The following FAM117B variants were observed in gnomAD, a reference collection of about 807,000 sequenced individuals.
The protein encoded by FAM117B is family with sequence similarity 117 member B.
Under a neutral mutation model 52.8 loss-of-function variants are expected in FAM117B, and 22 were observed. The observed-to-expected ratio is 0.42, with a 90% CI of 0.30 to 0.59. FAM117B has a LOEUF of 0.59. Ranked by LOEUF, FAM117B falls within the 20% of genes least tolerant of loss-of-function variation. FAM117B has a pLI of 0.22. For missense variants in FAM117B, 678 were observed against 802.6 expected (o/e 0.84, Z 1.88); for synonymous variants, 309 against 324.1 (o/e 0.95, Z 0.50).
rs1174991265 is a variant in FAM117B at position 202,769,011 on chromosome 2, G to GT, written c.*3251dup. 1 of 151,998 alleles carries GT rather than the reference G, an allele frequency of 6.6e-6. No individual in the cohort carries two copies. The highest frequency in any genetic ancestry group is 2.4e-5 in the African/African-American group (1 of 41,384). The allele number at this position is 151,998 out of a possible 1,614,324, so 9.4% of individuals were successfully genotyped here. On this transcript the variant is annotated 3_prime_UTR_variant, in exon 8 of 8. Coordinates refer to ENST00000392238, the MANE Select transcript of FAM117B (RefSeq NM_173511.4). ...ACGCAACTGTGTTTTAAAAATACCG[G>GT]TTTTGCCTCTTTGGTTACATGTGGT...
At chr2:202,742,363 G>A (rs1691556333) in intron 4 of FAM117B, among the ~76,000 whole-genome samples, 1 of 152,172 alleles carries the variant, frequency 6.6e-6, no homozygotes, top group African/African-American at 2.4e-5. Flanking sequence ...CTGATCAGAG[G>A]AATGACTAGA....
intron 2 of FAM117B, among the ~76,000 whole-genome samples, chr2:202,723,620 A>G (rs1326367580): frequency 6.6e-6 from 1 of 152,206 alleles, no homozygotes; most frequent in Non-Finnish European, 1.5e-5. Flanking sequence ...ATAGCTGCAC[A>G]GTACTCTGTT....
At chr2:202,725,245 G>T in intron 3 of FAM117B, 2 of 287,292 alleles carry the variant, frequency 7.0e-6, no homozygotes, top group South Asian at 9.7e-5. Context: ...ATTCATACCT[G>T]TCTATTAACA....
intron 6 of FAM117B, 82 bp downstream of exon 6, chr2:202,757,520 AAC>A: frequency 2.9e-6 from 4 of 1,373,186 alleles, no homozygotes; most frequent in African/African-American, 1.4e-5. Flanking sequence ...TTTCTAGCAG[AAC>A]ACACACACTC....
At chr2:202,668,167 AC>A (rs1690234737) in intron 1 of FAM117B, among the ~76,000 whole-genome samples, 1 of 141,102 alleles carries the variant, frequency 7.1e-6, no homozygotes, top group Non-Finnish European at 1.5e-5. Flanking sequence ...ATTATATAAT[AC>A]ATACATATTA....
At chr2:202,689,589 C>T (rs1416571946) in intron 1 of FAM117B, among the ~76,000 whole-genome samples, 1 of 152,072 alleles carries the variant, frequency 6.6e-6, no homozygotes, top group African/African-American at 2.4e-5. Flanking sequence ...TATTTGCTTG[C>T]TGTTTCTGTG....
At chr2:202,712,416 T>TCC (rs1690971804) in intron 2 of FAM117B, among the ~76,000 whole-genome samples, 2 of 137,884 alleles carry the variant, frequency 1.5e-5, no homozygotes, top group African/African-American at 5.7e-5. Context: ...ATTTATCAGC[T>TCC]CTCTTTTTTT....
intron 1 of FAM117B, among the ~76,000 whole-genome samples, chr2:202,645,849 G>T (rs1000557566): frequency 2.0e-5 from 3 of 151,418 alleles, no homozygotes; most frequent in African/African-American, 7.3e-5. Flanking sequence ...CAGGTGATCC[G>T]CCCGCCTTGG....
At chr2:202,660,083 T>C (rs1429390394) in intron 1 of FAM117B, among the ~76,000 whole-genome samples, 1 of 152,140 alleles carries the variant, frequency 6.6e-6, no homozygotes, top group African/African-American at 2.4e-5. Flanking sequence ...AATTTTCATT[T>C]AGTTCTTTTT....
intron 7 of FAM117B, among the ~76,000 whole-genome samples, chr2:202,759,596 C>T (rs1167370845): frequency 6.7e-6 from 1 of 149,152 alleles, no homozygotes; most frequent in African/African-American, 2.5e-5. Flanking sequence ...TTCACTCTGA[C>T]ACCCAGGCTG....
intron 1 of FAM117B, among the ~76,000 whole-genome samples, chr2:202,672,647 C>T (rs760956012): frequency 2.0e-5 from 3 of 152,122 alleles, no homozygotes; most frequent in South Asian, 2.1e-4. Flanking sequence ...CTGACAAATG[C>T]GGTGGAATTT....
intron 2 of FAM117B, among the ~76,000 whole-genome samples, chr2:202,700,374 T>C (rs1422166056): frequency 6.6e-6 from 1 of 152,228 alleles, no homozygotes; most frequent in Non-Finnish European, 1.5e-5. Context: ...GAAACAGCTT[T>C]ATTGGCAATA....
intron 7 of FAM117B, among the ~76,000 whole-genome samples, chr2:202,762,104 C>T (rs1157839180): frequency 6.6e-6 from 1 of 152,178 alleles, no homozygotes; most frequent in Non-Finnish European, 1.5e-5. Flanking sequence ...ACAATAACCA[C>T]CGTGCACACC....
intron 1 of FAM117B, among the ~76,000 whole-genome samples, chr2:202,678,076 TATC>T (rs1171596099): frequency 2.0e-5 from 3 of 152,202 alleles, no homozygotes; most frequent in African/African-American, 7.2e-5. Flanking sequence ...TGATATATAT[TATC>T]ATAATCATTA....
At chr2:202,757,715 A>T (rs1165501908) in intron 6 of FAM117B, among the ~76,000 whole-genome samples, 7 of 152,196 alleles carry the variant, frequency 4.6e-5, no homozygotes, top group Admixed American at 3.3e-4. Context: ...TTTTGGAATA[A>T]ATGAGATGAG....
chr2:202,650,653 T>C (rs1367342426), intron 1 of FAM117B, among the ~76,000 whole-genome samples: 1 of 152,194 alleles, frequency 6.6e-6, no homozygotes, highest in Non-Finnish European at 1.5e-5. Flanking sequence ...AAGCCGACAG[T>C]GCAGCCTTCA....
intron 2 of FAM117B, among the ~76,000 whole-genome samples, chr2:202,707,667 A>G (rs946435191): frequency 1.3e-5 from 2 of 151,842 alleles, no homozygotes; most frequent in African/African-American, 4.8e-5. Flanking sequence ...AGATCGTGCT[A>G]CTGTACTCCA....
At chr2:202,670,166 A>T (rs1028945847) in intron 1 of FAM117B, among the ~76,000 whole-genome samples, 6 of 152,250 alleles carry the variant, frequency 3.9e-5, no homozygotes, top group Admixed American at 2.0e-4. Flanking sequence ...TTGCTGGGGA[A>T]ACAAGTGATG....
At chr2:202,740,216 C>T (rs1385722188) in intron 4 of FAM117B, among the ~76,000 whole-genome samples, 7 of 117,842 alleles carry the variant, frequency 5.9e-5, no homozygotes, top group South Asian at 2.8e-4. Flanking sequence ...CCAAATTAGC[C>T]GAGTGTGGTG....
Sources: gnomAD v4.1 joint callset for allele counts (sites outside exome capture counted in the v4.1 genomes callset) on GRCh38, gnomAD v4.1.1 for gene constraint, MANE v1.5 for transcripts, NCBI Gene and HGNC (gene_info 2026-07-23, HGNC 2026-07-21) for gene names.